Variants in INTS6 observed in about 807,000 individuals in gnomAD.
INTS6 encodes the protein DEAD box protein.
A neutral mutation model predicts 104.9 loss-of-function variants in INTS6; 16 were observed. That is an observed-to-expected ratio of 0.15 (90% CI 0.10 to 0.23). The LOEUF (loss-of-function observed/expected upper bound fraction) is 0.23, where lower values mean the gene tolerates loss of function less well. Ranked by LOEUF, INTS6 falls within the 10% of genes least tolerant of loss-of-function variation. The probability of loss-of-function intolerance (pLI) is 1.00; values close to 1 mark genes in which losing one functional copy is unlikely to be tolerated. For missense variants in INTS6, 584 were observed against 1,062.8 expected, an observed-to-expected ratio of 0.55 and a Z score of 6.26; for synonymous variants, 324 against 358.7, an observed-to-expected ratio of 0.90 and a Z score of 1.09.
intron 4 of INTS6, among the ~76,000 whole-genome samples, chr13:51,425,490 G>A (rs953940516): frequency 6.6e-6 from 1 of 152,002 alleles, no homozygotes; most frequent in African/African-American, 2.4e-5. Context: ...GATGCAGAAG[G>A]ACTTGTCAGC....
At chr13:51,336,113 A>C in the INTS6 span, among the ~76,000 whole-genome samples, 4 of 152,222 alleles carry the variant, frequency 2.6e-5, no homozygotes, top group Non-Finnish European at 5.9e-5. Flanking sequence ...AGTTTCTACA[A>C]GTTAGATTAA....
At chr13:51,450,107 C>T (rs1043239792) in intron 3 of INTS6, 3 of 985,214 alleles carry the variant, frequency 3.0e-6, no homozygotes, top group Non-Finnish European at 3.6e-6. Context: ...AAACTAGGGA[C>T]TGTGGGACTT....
At chr13:51,355,246 G>T (rs943666881) in intron 3 of INTS6, 7 of 453,678 alleles carry the variant, frequency 1.5e-5, no homozygotes, top group African/African-American at 1.1e-4. Flanking sequence ...TTATGTAAAA[G>T]AATAAGAAAG....
intron 4 of INTS6, among the ~76,000 whole-genome samples, chr13:51,427,820 A>G (rs77024353): frequency 0.065 from 9,831 of 152,256 alleles, 385 homozygotes; most frequent in East Asian, 0.21. Flanking sequence ...CTATGCTAGT[A>G]TTGTAAAAGA....
chr13:51,452,762 C>T lies in INTS6; in HGVS notation c.-237G>A, dbSNP rs1953092897. Reference sequence around the variant, plus strand: ...CCCGCCTCCGCCTCCTCCTGCCTGCCTGCCCGCTGGGGCGGGCGCCCAGCC... The same window carrying T: ...CCCGCCTCCGCCTCCTCCTGCCTGCTTGCCCGCTGGGGCGGGCGCCCAGCC... On this transcript the variant is annotated 5_prime_UTR_variant, in exon 1 of 18. Coordinates refer to ENST00000311234, the MANE Select transcript of INTS6 (RefSeq NM_012141.3). This position sits in a 1 kb window ranked among gnomAD's most constrained non-coding sequence, Gnocchi z 4.2. 3.3e-6 allele frequency: 4 copies of T among 1,230,696 alleles called. No homozygotes were observed. The highest frequency in any genetic ancestry group is 4.1e-6 in the Non-Finnish European group (4 of 980,672). 76.2% of individuals were successfully genotyped at this position (1,230,696 alleles called of 1,614,324 possible). A position where few individuals can be genotyped will look rare whatever the true frequency, so the allele number is the denominator to read the frequency against.
At chr13:51,386,537 T>C (rs1024225920) in intron 7 of INTS6, among the ~76,000 whole-genome samples, 2 of 152,136 alleles carry the variant, frequency 1.3e-5, no homozygotes, top group African/African-American at 4.8e-5. Flanking sequence ...ATTAAATCCC[T>C]AATGAATAAA....
chr13:51,380,208 A>G (rs911008154), intron 10 of INTS6, among the ~76,000 whole-genome samples: 8 of 152,166 alleles, frequency 5.3e-5, no homozygotes, highest in Non-Finnish European at 1.2e-4. Context: ...AAGCAGGAGG[A>G]AAAAACAATC....
In INTS6 at chr13:51,389,379, C is replaced by T. The variant is rs1198124716; in HGVS notation, c.679G>A (p.Val227Ile). The change falls in exon 6 of 18, where the codon GTA becomes ATA. Residue 227 changes from valine to isoleucine, a missense_variant. By Grantham distance (29) the Val-to-Ile change is conservative. This residue lies in a region of INTS6 where 144 missense variants were observed against 348.7 expected (regional missense o/e 0.41). Transcript: ENST00000311234. ...NQCLESLVQK[V>I]QSGVVINFEK... The stretch of plus-strand genomic sequence containing the variant: ...AAGTTTATTACCACCCCACTTTGTA[C>T]TTTCTGCACCAAGGACTCCAGACAC... 2 of 1,613,726 alleles carry T rather than the reference C, an allele frequency of 1.2e-6. No homozygotes were observed. The highest frequency in any genetic ancestry group is 1.7e-6 in the Non-Finnish European group (2 of 1,179,768).
intron 4 of INTS6, among the ~76,000 whole-genome samples, chr13:51,397,046 T>TA (rs1956352504): frequency 6.6e-6 from 1 of 152,212 alleles, no homozygotes; most frequent in Admixed American, 6.5e-5. Context: ...TACTGGAGTA[T>TA]ATTTTTATAC....
chr13:51,341,271 C>G, the INTS6 span: 1 of 1,613,962 alleles, frequency 6.2e-7, no homozygotes, highest in Non-Finnish European at 8.5e-7. Flanking sequence ...TGTCCCTCCC[C>G]CTGGAGATCC....
At chr13:51,428,411 A>G (rs61956952) in intron 4 of INTS6, among the ~76,000 whole-genome samples, 6,858 of 144,124 alleles carry the variant, frequency 0.048, 184 homozygotes, top group East Asian at 0.11. Context: ...TGCAACCTCC[A>G]CCTCCTGGGT....
chr13:51,394,711 T>C (rs942106568), intron 5 of INTS6, among the ~76,000 whole-genome samples: 4 of 152,128 alleles, frequency 2.6e-5, no homozygotes, highest in African/African-American at 9.7e-5. Flanking sequence ...AGGCACGCAA[T>C]ACATACCTAT....
the INTS6 span, chr13:51,341,138 T>C: frequency 6.2e-7 from 1 of 1,614,014 alleles, no homozygotes; most frequent in Non-Finnish European, 8.5e-7. Flanking sequence ...TCTTGCTGCC[T>C]CCGAGCAAAT....
In INTS6 at chr13:51,428,344, A is replaced by G. The variant is rs189327594; in HGVS notation, c.429+1950T>C. Among the ~76,000 whole-genome samples the G allele has an allele frequency of 2.6e-3, 335 of 126,882 alleles. 2 individuals carry two copies. The highest frequency in any genetic ancestry group is 9.7e-3 in the African/African-American group (326 of 33,560). 83.2% of individuals were successfully genotyped at this position (126,882 alleles called of 152,430 possible). A position where few individuals can be genotyped will look rare whatever the true frequency, so the allele number is the denominator to read the frequency against. On this transcript the variant is annotated intron_variant, in intron 4 of 17. Transcript: ENST00000311234. Reference sequence around the variant, plus strand: ...TTTTTTTCTTTTTTTTTTTTTTTTGAGACGGAGTCTTGCTCTGTTGCCCAG... The same window carrying G: ...TTTTTTTCTTTTTTTTTTTTTTTTGGGACGGAGTCTTGCTCTGTTGCCCAG...
chr13:51,381,180 T>C (rs1193684253), intron 10 of INTS6, among the ~76,000 whole-genome samples: 2 of 152,160 alleles, frequency 1.3e-5, no homozygotes, highest in Non-Finnish European at 2.9e-5. Flanking sequence ...TATGCCATTT[T>C]ATATGAGGGA....
At chr13:51,451,889 T>C in intron 2 of INTS6, 89 bp downstream of exon 2, 2 of 662,364 alleles carry the variant, frequency 3.0e-6, no homozygotes, top group South Asian at 1.6e-5. Flanking sequence ...GAGGGGAGCA[T>C]AATGAAGGGT....
intron 4 of INTS6, among the ~76,000 whole-genome samples, chr13:51,414,313 A>T (rs1466252010): frequency 1.3e-5 from 2 of 152,216 alleles, no homozygotes; most frequent in Non-Finnish European, 2.9e-5. Context: ...CTGTATTTTT[A>T]AACCAGCTAT....
intron 3 of INTS6, chr13:51,450,216 G>GT (rs1953006751): frequency 1.1e-5 from 11 of 984,850 alleles, no homozygotes; most frequent in Non-Finnish European, 1.3e-5. Flanking sequence ...TTTGTTACAT[G>GT]TAACATTATA....
At position 51,378,435 on chromosome 13, in the gene INTS6, C is replaced by A. The variant is rs1429954478; in HGVS notation, c.1406G>T (p.Arg469Leu). The change falls in exon 12 of 18, where the codon CGA (arginine) becomes CTA (leucine). Residue 469 changes from arginine (R) to leucine (L), a missense_variant. This residue lies in a region of INTS6 where 74 missense variants were observed against 64.4 expected (regional missense o/e 1.15). Coordinates refer to ENST00000311234, the MANE Select transcript of INTS6 (RefSeq NM_012141.3). ...TTTTTTGCCTACAGATCCAATGACT[C>A]GATCAGATTCTATTTTGGCCTAAAG... ...LSQQAKIESDRVIGSVGKKVV... is the reference protein window; with the variant it reads ...LSQQAKIESDLVIGSVGKKVV... The A allele has an allele frequency of 1.2e-6, 2 of 1,612,354 alleles. No homozygotes were observed. The highest frequency in any genetic ancestry group is 1.1e-5 in the South Asian group (1 of 90,958).
Sources: allele counts gnomAD v4.1 joint callset (sites outside exome capture counted in the v4.1 genomes callset), GRCh38; gene constraint gnomAD v4.1.1; regional missense constraint gnomAD v4.1.1; non-coding constraint Gnocchi (gnomAD v3.1); transcripts MANE v1.5; gene names NCBI Gene and HGNC (gene_info 2026-07-23, HGNC 2026-07-21).